Variants in MAGI1 observed in about 807,000 individuals in gnomAD.
The protein encoded by MAGI1 is membrane associated guanylate kinase, WW and PDZ domain containing 1.
MAGI1 carries 58 observed loss-of-function variants against 139.9 expected under a neutral mutation model. The observed-to-expected ratio is 0.41, with a 90% CI of 0.34 to 0.52. The LOEUF is 0.52. MAGI1 is among the 20% of genes least tolerant of loss of function. The pLI, the probability that MAGI1 is intolerant of heterozygous loss-of-function variation, is 0.12. For missense variants in MAGI1, 1,874 were observed against 1,901.6 expected, an observed-to-expected ratio of 0.99 and a Z score of 0.27; for synonymous variants, 812 against 737.9, an observed-to-expected ratio of 1.10 and a Z score of -1.63.
chr3:65,726,259 C>G (rs1338365383), intron 1 of MAGI1, among the ~76,000 whole-genome samples: 1 of 152,028 alleles, frequency 6.6e-6, no homozygotes, highest in Non-Finnish European at 1.5e-5. Flanking sequence ...ATATAAAACA[C>G]CTTGGCTTAA....
intron 9 of MAGI1, among the ~76,000 whole-genome samples, chr3:65,438,743 G>A (rs1346460034): frequency 6.6e-6 from 1 of 152,186 alleles, no homozygotes; most frequent in Non-Finnish European, 1.5e-5. Context: ...TAATAAAAAG[G>A]AGAATACTTT....
At chr3:65,434,339 T>C (rs540326625) in intron 10 of MAGI1, among the ~76,000 whole-genome samples, 1 of 152,150 alleles carries the variant, frequency 6.6e-6, no homozygotes, top group African/African-American at 2.4e-5. Flanking sequence ...GCTCAATAAG[T>C]GAGTTATTGT....
intron 1 of MAGI1, among the ~76,000 whole-genome samples, chr3:65,699,730 G>A (rs1432188822): frequency 8.4e-6 from 1 of 118,742 alleles, no homozygotes; most frequent in African/African-American, 3.3e-5. Flanking sequence ...ACTGTGGTGG[G>A]GTGGGGGGAG....
chr3:65,359,694 A>G, intron 22 of MAGI1: 1 of 986,706 alleles, frequency 1.0e-6, no homozygotes, highest in Admixed American at 6.0e-5. Context: ...ACGCATGGAG[A>G]CATTACAGTA....
At chr3:65,476,341 C>T (rs13321984) in intron 4 of MAGI1, among the ~76,000 whole-genome samples, 2 of 152,082 alleles carry the variant, frequency 1.3e-5, no homozygotes, top group Non-Finnish European at 1.5e-5. Context: ...CAGACAAGAA[C>T]GTGAGGAACA....
intron 13 of MAGI1, 112 bp from the exon 14 acceptor site, chr3:65,391,470 C>T: frequency 3.7e-6 from 3 of 805,656 alleles, no homozygotes; most frequent in Non-Finnish European, 5.9e-6. Context: ...ACATACATAT[C>T]AACAGTATTT....
rs553478678 is a variant in MAGI1, at chr3:65,842,588, C to T, written c.313+195408G>A. Among the ~76,000 whole-genome samples the T allele has an allele frequency of 2.2e-4, 34 of 152,050 alleles. No homozygotes were observed. The East Asian group carries it at 3.9e-3, about 17-fold the overall frequency. ...GTTGGTCAGGCTGGTCTTGAACTAC[C>T]GACCTCAGGTGATCCACCCACCTCG... is the stretch of plus-strand genomic sequence containing the variant. On this transcript the variant is annotated intron_variant, in intron 1 of 22. Coordinates refer to ENST00000402939, the MANE Select transcript of MAGI1 (RefSeq NM_001033057.2).
intron 2 of MAGI1, among the ~76,000 whole-genome samples, chr3:65,533,421 A>T (rs551234863): frequency 6.6e-6 from 1 of 152,348 alleles, no homozygotes; most frequent in Admixed American, 6.5e-5. Flanking sequence ...ACTTAGGAAG[A>T]AACTCAGACT....
chr3:65,377,430 C>T (rs967510959), intron 17 of MAGI1, among the ~76,000 whole-genome samples: 4 of 152,138 alleles, frequency 2.6e-5, no homozygotes, highest in Non-Finnish European at 4.4e-5. Flanking sequence ...TTAATTTGTT[C>T]GTTGTAAGAG....
chr3:65,511,043 C>G lies in MAGI1; in HGVS notation c.431-17412G>C, dbSNP rs1346235883. Among the ~76,000 whole-genome samples the G allele has an allele frequency of 7.5e-4, 110 of 146,904 alleles. 1 individual carries two copies. In the East Asian group the frequency reaches 0.022, roughly 29 times the overall value. ...GAATTTTCAACCCAGAATTTCATAT[C>G]CAGCCAAACTAAGCTTCATAAGTGA... On this transcript the variant is annotated intron_variant, in intron 2 of 22. Coordinates refer to ENST00000402939, the MANE Select transcript of MAGI1 (RefSeq NM_001033057.2).
intron 21 of MAGI1, 33 bp from the exon 22 acceptor site, chr3:65,361,370 G>A (rs772523746): frequency 1.2e-6 from 2 of 1,609,484 alleles, no homozygotes; most frequent in African/African-American, 1.3e-5. Flanking sequence ...AGTGAGATTT[G>A]AAATTCATGT....
chr3:65,957,276 G>C (rs940841172), intron 1 of MAGI1, among the ~76,000 whole-genome samples: 6 of 150,974 alleles, frequency 4.0e-5, no homozygotes, highest in Non-Finnish European at 7.4e-5. Context: ...TACTTTGGGA[G>C]GCGTCGATGG....
intron 1 of MAGI1, among the ~76,000 whole-genome samples, chr3:65,731,374 C>T (rs918817665): frequency 1.3e-5 from 2 of 151,914 alleles, no homozygotes; most frequent in Admixed American, 6.6e-5. Flanking sequence ...AATCTATGAC[C>T]AGGCATGATG....
At chr3:65,945,095 A>C (rs1176319876) in intron 1 of MAGI1, among the ~76,000 whole-genome samples, 2 of 152,214 alleles carry the variant, frequency 1.3e-5, no homozygotes, top group Admixed American at 6.5e-5. Context: ...CAAATCTGGG[A>C]GCACCAATGG....
At chr3:65,632,188 T>C (rs2084355139) in intron 1 of MAGI1, among the ~76,000 whole-genome samples, 2 of 152,188 alleles carry the variant, frequency 1.3e-5, no homozygotes, top group Admixed American at 1.3e-4. Context: ...ACTCACAAAA[T>C]GCATTACCTA....
chr3:65,881,032 C>G (rs1399132735), intron 1 of MAGI1, among the ~76,000 whole-genome samples: 1 of 152,054 alleles, frequency 6.6e-6, no homozygotes, highest in African/African-American at 2.4e-5. Context: ...CTCAGACTCC[C>G]AACTAGCTGG....
intron 2 of MAGI1, among the ~76,000 whole-genome samples, chr3:65,547,563 G>A (rs1257414001): frequency 6.6e-6 from 1 of 152,130 alleles, no homozygotes; most frequent in Non-Finnish European, 1.5e-5. Context: ...TGGAGAAGTT[G>A]TACTGCCCAC....
intron 1 of MAGI1, among the ~76,000 whole-genome samples, chr3:65,738,731 C>T (rs1268969978): frequency 6.6e-6 from 1 of 152,162 alleles, no homozygotes; most frequent in Non-Finnish European, 1.5e-5. Context: ...GACCAGGTGC[C>T]TTGTCGATGA....
At chr3:65,438,558 G>A (rs952833971) in intron 9 of MAGI1, among the ~76,000 whole-genome samples, 1 of 152,136 alleles carries the variant, frequency 6.6e-6, no homozygotes, top group East Asian at 1.9e-4. Flanking sequence ...AGAGACTAAG[G>A]TAGATAACAT....
Sources: allele counts gnomAD v4.1 joint callset (sites outside exome capture counted in the v4.1 genomes callset), GRCh38; gene constraint gnomAD v4.1.1; transcripts MANE v1.5; gene names NCBI Gene and HGNC (gene_info 2026-07-23, HGNC 2026-07-21).